Variants in PHF21B observed in about 807,000 individuals in gnomAD.
PHF21B encodes PHD finger protein 4.
In PHF21B, 22 loss-of-function variants were observed where a neutral mutation model predicts 62.2. That is an observed-to-expected ratio of 0.35 (90% CI 0.25 to 0.51). The LOEUF is 0.51. Among genes scored for constraint, PHF21B ranks in the 20% least tolerant of loss-of-function variants. PHF21B has a pLI of 0.97. For synonymous variants in PHF21B, 341 were observed against 314.7 expected (o/e 1.08, Z -0.88); for missense variants, 701 against 707.9 (o/e 0.99, Z 0.11).
intron 2 of PHF21B, among the ~76,000 whole-genome samples, chr22:44,956,281 C>T (rs989537016): frequency 2.0e-5 from 3 of 152,136 alleles, no homozygotes; most frequent in Non-Finnish European, 2.9e-5. Flanking sequence ...TTTGGAGAGC[C>T]GCCCCAATGC....
Position 45,008,901 on chromosome 22 carries a change from AGTGAGT to A in PHF21B, c.55-297_55-292del, listed in dbSNP as rs775985876. On this transcript the variant is annotated intron_variant, in intron 1 of 12. Coordinates refer to ENST00000313237, the MANE Select transcript of PHF21B (RefSeq NM_138415.5). The stretch of plus-strand genomic sequence containing the variant: ...GTTTGCAGGCCGGGGTGCGTGTGCG[AGTGAGT>A]GTGAGTGTGAGTGTGTGCCGGGGGA... The A allele has an allele frequency of 7.3e-3, 8,449 of 1,151,184 alleles. 37 individuals are homozygous for A. Among genetic ancestry groups the A allele is most frequent in the Non-Finnish European group, 8.5e-3 (7,969 of 936,228 alleles). 71.3% of individuals were successfully genotyped at this position (1,151,184 alleles called of 1,614,324 possible).
chr22:44,966,375 G>T (rs1255034162), intron 2 of PHF21B, among the ~76,000 whole-genome samples: 1 of 152,236 alleles, frequency 6.6e-6, no homozygotes, highest in African/African-American at 2.4e-5. Context: ...CTGCGTGAAG[G>T]TCAAAGCAGA....
chr22:44,991,052 C>T (rs1417064910), intron 2 of PHF21B, among the ~76,000 whole-genome samples: 1 of 152,222 alleles, frequency 6.6e-6, no homozygotes, highest in Non-Finnish European at 1.5e-5. Context: ...CCTTCCAGGG[C>T]TGTCACGAGG....
At chr22:44,954,185 C>G (rs558930183) in intron 2 of PHF21B, among the ~76,000 whole-genome samples, 1 of 151,518 alleles carries the variant, frequency 6.6e-6, no homozygotes, top group South Asian at 2.1e-4. Flanking sequence ...TCGTTTCTTT[C>G]TTGTTGTTAA....
intron 2 of PHF21B, among the ~76,000 whole-genome samples, chr22:45,000,229 A>T (rs910752663): frequency 5.9e-5 from 9 of 152,088 alleles, no homozygotes; most frequent in Non-Finnish European, 1.2e-4. Context: ...CGGGAGGGAA[A>T]TCGGGGGGCA....
At chr22:44,915,948 T>C (rs1231163130) in intron 4 of PHF21B, among the ~76,000 whole-genome samples, 1 of 152,086 alleles carries the variant, frequency 6.6e-6, no homozygotes, top group Non-Finnish European at 1.5e-5. Context: ...CAGCCACACA[T>C]GTCATTAATT....
chr22:44,965,139 C>A (rs1220791679), intron 2 of PHF21B, among the ~76,000 whole-genome samples: 1 of 152,138 alleles, frequency 6.6e-6, no homozygotes, highest in Non-Finnish European at 1.5e-5. Context: ...TGAACAGCAG[C>A]CCGAAGACGG....
intron 2 of PHF21B, among the ~76,000 whole-genome samples, chr22:44,923,425 A>G (rs1383483268): frequency 2.6e-5 from 4 of 152,208 alleles, no homozygotes; most frequent in Admixed American, 2.6e-4. Flanking sequence ...AATAAAATGT[A>G]ACAGAAATCT....
intron 2 of PHF21B, among the ~76,000 whole-genome samples, chr22:44,968,242 G>C (rs886430773): frequency 3.9e-5 from 6 of 152,078 alleles, no homozygotes; most frequent in African/African-American, 1.4e-4. Context: ...GATTTGTCTC[G>C]TCTTTATTCA....
At chr22:44,964,417 G>A (rs567625020) in intron 2 of PHF21B, among the ~76,000 whole-genome samples, 3 of 152,212 alleles carry the variant, frequency 2.0e-5, no homozygotes, top group African/African-American at 7.2e-5. Flanking sequence ...CTCCCACTGA[G>A]CAGCTCAGGC....
At position 44,896,098 on chromosome 22, in the gene PHF21B, A is replaced by G. The variant is rs371545613; in HGVS notation, c.832-15T>C. ...AAGGCGATTTTCTGAGGGAAGGAACAGACAAAGGAGCATTAACACAACCGT... is the reference window on the plus strand; with the variant it reads ...AAGGCGATTTTCTGAGGGAAGGAACGGACAAAGGAGCATTAACACAACCGT... On this transcript the variant is annotated splice_polypyrimidine_tract_variant and intron_variant, in intron 5 of 12. Coordinates refer to ENST00000313237, the MANE Select transcript of PHF21B (RefSeq NM_138415.5). 8.7e-6 allele frequency: 14 copies of G among 1,612,846 alleles called. No homozygotes were observed. The highest frequency in any genetic ancestry group is 1.2e-5 in the Non-Finnish European group (14 of 1,179,972).
At chr22:44,932,108 G>A (rs1325170602) in intron 2 of PHF21B, among the ~76,000 whole-genome samples, 1 of 152,248 alleles carries the variant, frequency 6.6e-6, no homozygotes, top group African/African-American at 2.4e-5. Flanking sequence ...GAGGCTGGAG[G>A]CCTCGAACCT....
chr22:44,940,916 G>A (rs2071943988), intron 2 of PHF21B, among the ~76,000 whole-genome samples: 1 of 152,158 alleles, frequency 6.6e-6, no homozygotes, highest in African/African-American at 2.4e-5. Context: ...GGTGAGTGGG[G>A]GGCTGTCGTT....
rs140020084 is a variant in PHF21B at position 44,999,632 on chromosome 22, A to C, written c.120+8913T>G. Among the ~76,000 whole-genome samples, 12 of 152,246 alleles carry C rather than the reference A, an allele frequency of 7.9e-5. No individual in the cohort carries two copies. The East Asian group carries it at 2.1e-3, about 27-fold the overall frequency. ...ATTTTTATCTGACCGTGTGCCCCGG[A>C]GTAACAGTCCACACCTCACTTTTCT... On this transcript the variant is annotated intron_variant, in intron 2 of 12. Coordinates refer to ENST00000313237, the MANE Select transcript of PHF21B (RefSeq NM_138415.5).
At chr22:44,948,248 A>C (rs746356455) in intron 2 of PHF21B, among the ~76,000 whole-genome samples, 6 of 152,348 alleles carry the variant, frequency 3.9e-5, no homozygotes, top group Non-Finnish European at 7.3e-5. Context: ...ATAACATAGC[A>C]TAAGTGGGAA....
chr22:44,988,374 A>T (rs1200535044), intron 2 of PHF21B, among the ~76,000 whole-genome samples: 1 of 152,070 alleles, frequency 6.6e-6, no homozygotes, highest in African/African-American at 2.4e-5. Context: ...AGGTGGGAGG[A>T]TTGCTTGAGC....
chr22:44,913,746 C>T, intron 5 of PHF21B, 76 bp downstream of exon 5: 1 of 1,496,894 alleles, frequency 6.7e-7, no homozygotes, highest in Non-Finnish European at 8.9e-7. Context: ...TGAGGCCATC[C>T]CCGCTATACA....
chr22:44,950,576 T>G (rs191812249), intron 2 of PHF21B, among the ~76,000 whole-genome samples: 1,687 of 146,100 alleles, frequency 0.012, 108 homozygotes, highest in Admixed American at 0.11. Flanking sequence ...CGTGTTCGTG[T>G]TTTTTTTTTT....
At chr22:44,942,668 GCCCACAGCTCA>G (rs1438320855) in intron 2 of PHF21B, among the ~76,000 whole-genome samples, 1 of 152,154 alleles carries the variant, frequency 6.6e-6, no homozygotes, top group Non-Finnish European at 1.5e-5. Flanking sequence ...AGAGGAGGGT[GCCCACAGCTCA>G]CCCACAGCCT....
Sources: gnomAD v4.1 joint callset for allele counts (sites outside exome capture counted in the v4.1 genomes callset) on GRCh38, gnomAD v4.1.1 for gene constraint, MANE v1.5 for transcripts, NCBI Gene and HGNC (gene_info 2026-07-23, HGNC 2026-07-21) for gene names.